FHOD3: variants seen among roughly 807,000 people sequenced by gnomAD.
The protein encoded by FHOD3 is FH1/FH2 domain-containing protein 3.
FHOD3 carries 90 observed loss-of-function variants against 173.0 expected under a neutral mutation model. The observed-to-expected ratio is 0.52, with a 90% CI of 0.44 to 0.62. The LOEUF (loss-of-function observed/expected upper bound fraction) is 0.62. Among genes scored for constraint, FHOD3 ranks in the 20% least tolerant of loss-of-function variants. The probability of loss-of-function intolerance (pLI) is 0.00; values close to 1 mark genes in which losing one functional copy is unlikely to be tolerated. For synonymous variants in FHOD3, 828 were observed against 823.0 expected (o/e 1.01, Z -0.10); for missense variants, 1,945 against 2,034.7 (o/e 0.96, Z 0.85).
At position 36,299,172 on chromosome 18, in the gene FHOD3, C is replaced by T. The variant is rs749901543; in HGVS notation, c.165+1172C>T. 5.8e-4 allele frequency among the ~76,000 whole-genome samples: 88 copies of T among 152,144 alleles called. 1 individual carries two copies. Among genetic ancestry groups the T allele is most frequent in the Admixed American group, 7.9e-4 (12 of 15,282 alleles). ...GGTAGTTTCCTCTCTATTAATGTAT[C>T]AGTGCTTTCCTCCTCTACTTAGTTA... On this transcript the variant is annotated intron_variant, in intron 1 of 28. Coordinates refer to ENST00000590592, the MANE Select transcript of FHOD3 (RefSeq NM_001281740.3).
At position 36,297,949 on chromosome 18, in the gene FHOD3, G is replaced by A. The variant is rs772849525; in HGVS notation, c.114G>A (p.Ala38=). The A allele has an allele frequency of 1.5e-5, 23 of 1,565,958 alleles. No homozygotes were observed. The South Asian group carries it at 1.8e-4, about 12-fold the overall frequency. Residue 38 remains alanine, a synonymous_variant, in exon 1 of 29, where the codon GCG becomes GCA. Coordinates refer to ENST00000590592, the MANE Select transcript of FHOD3 (RefSeq NM_001281740.3). ...PPLFTFREDL[A]LGTQLAGVHR... ...TGTTCACGTTCCGCGAGGACCTCGC[G>A]CTCGGCACCCAGCTGGCGGGGGTCC...
intron 14 of FHOD3, among the ~76,000 whole-genome samples, chr18:36,678,524 C>CAAAAAAA (rs58064190): frequency 6.3e-4 from 45 of 71,096 alleles, no homozygotes; most frequent in African/African-American, 7.8e-4. Flanking sequence ...GACCCTGTCT[C>CAAAAAAA]AAAAAAAAAA....
At chr18:36,454,454 C>T (rs930067026) in intron 3 of FHOD3, among the ~76,000 whole-genome samples, 1 of 152,152 alleles carries the variant, frequency 6.6e-6, no homozygotes, top group Admixed American at 6.5e-5. Flanking sequence ...CTAGTGTTCA[C>T]ATTATTAAGA....
chr18:36,349,424 G>A (rs1205093910), intron 1 of FHOD3, among the ~76,000 whole-genome samples: 2 of 152,174 alleles, frequency 1.3e-5, no homozygotes, highest in Non-Finnish European at 2.9e-5. Flanking sequence ...GCAGGGATGG[G>A]GGAACCAATG....
chr18:36,706,877 G>A (rs1454480361), intron 17 of FHOD3, among the ~76,000 whole-genome samples: 2 of 146,224 alleles, frequency 1.4e-5, no homozygotes, highest in African/African-American at 5.1e-5. Context: ...AAGTCCATGT[G>A]TGCAAAAACA....
intron 14 of FHOD3, among the ~76,000 whole-genome samples, chr18:36,678,224 C>G (rs558921337): frequency 4.1e-4 from 63 of 152,096 alleles, no homozygotes; most frequent in African/African-American, 1.5e-3. Flanking sequence ...TAACAGTAAA[C>G]TGTTCTTAAT....
rs181894620 is a variant in FHOD3 at position 36,714,408 on chromosome 18, C to T, written c.2534-3424C>T. 1.5e-3 allele frequency among the ~76,000 whole-genome samples: 222 copies of T among 152,078 alleles called. 1 individual carries two copies. Among genetic ancestry groups the T allele is most frequent in the African/African-American group, 5.1e-3 (210 of 41,468 alleles). ...CAAAAATTAGCTGGGCATGGTGGCT[C>T]GCGCCTGTAGTCACAGCTACTCAGG... On this transcript the variant is annotated intron_variant, in intron 18 of 28. Transcript: ENST00000590592.
At chr18:36,327,542 AAAG>A (rs768976297) in intron 1 of FHOD3, among the ~76,000 whole-genome samples, 16 of 152,342 alleles carry the variant, frequency 1.1e-4, no homozygotes, top group African/African-American at 7.2e-5. Flanking sequence ...CTTCACTGAT[AAAG>A]AAGAAGAGCA....
In FHOD3 at chr18:36,627,016, C is replaced by G. The variant is rs115390933; in HGVS notation, c.1196+1267C>G. 9.2e-3 allele frequency among the ~76,000 whole-genome samples: 1,396 copies of G among 152,312 alleles called. 30 individuals carry two copies. The highest frequency in any genetic ancestry group is 0.031 in the African/African-American group (1,305 of 41,554). ...CCTCATAACCCCAGATGCCCTCTCTCTACAGGCTTTTATGTTTCTGAGAGT... is the reference window on the plus strand; with the variant it reads ...CCTCATAACCCCAGATGCCCTCTCTGTACAGGCTTTTATGTTTCTGAGAGT... On this transcript the variant is annotated intron_variant, in intron 10 of 28. Coordinates refer to ENST00000590592, the MANE Select transcript of FHOD3 (RefSeq NM_001281740.3).
At chr18:36,742,180 AG>A (rs2041934354) in intron 21 of FHOD3, among the ~76,000 whole-genome samples, 1 of 152,104 alleles carries the variant, frequency 6.6e-6, no homozygotes, top group African/African-American at 2.4e-5. Context: ...GGGGAGATGG[AG>A]GCCATGAGGC....
In FHOD3 at chr18:36,652,704, G is replaced by C; in HGVS notation, c.1421G>C (p.Trp474Ser). 1 of 1,535,724 alleles carries C rather than the reference G, an allele frequency of 6.5e-7. No homozygotes were observed. Among genetic ancestry groups the C allele is most frequent in the Non-Finnish European group, 8.7e-7 (1 of 1,146,674 alleles). ...LLVGTAGGTT[W>S]HSGSSGSEAT... The stretch of plus-strand genomic sequence containing the variant: ...GTTGGCACTGCAGGCGGGACCACCT[G>C]GCACAGTGGGTCCTCTGGGTCTGAG... The change falls in exon 12 of 29, where the codon TGG (tryptophan) becomes TCG (serine). Residue 474 changes from tryptophan (W) to serine (S), a missense_variant. This residue lies in a region of FHOD3 where 1,099 missense variants were observed against 1,051.2 expected (regional missense o/e 1.05). Coordinates refer to ENST00000590592, the MANE Select transcript of FHOD3 (RefSeq NM_001281740.3).
At position 36,335,925 on chromosome 18, in the gene FHOD3, C is replaced by T. The variant is rs540187666; in HGVS notation, c.166-19614C>T. Among the ~76,000 whole-genome samples, 7 of 152,250 alleles carry T rather than the reference C, an allele frequency of 4.6e-5. No individual in the cohort carries two copies. The South Asian group carries it at 8.3e-4, about 18-fold the overall frequency. ...AGGGTGCATGAGGCTGTGTGAAAAC[C>T]GGGTTATACTCATGCACATGACGGC... On this transcript the variant is annotated intron_variant, in intron 1 of 28. Coordinates refer to ENST00000590592, the MANE Select transcript of FHOD3 (RefSeq NM_001281740.3).
In FHOD3 at chr18:36,681,587, G is replaced by A; in HGVS notation, c.1970+17G>A. ...CAAATTCAGGTAAGAAGGATCTTAA[G>A]ATTTTTTTTAAATAGTGAGTTAAAA... is the stretch of plus-strand genomic sequence containing the variant. On this transcript the variant is annotated intron_variant, in intron 15 of 28. Coordinates refer to ENST00000590592, the MANE Select transcript of FHOD3 (RefSeq NM_001281740.3). 1 of 1,586,512 alleles carries A rather than the reference G, an allele frequency of 6.3e-7. No individual in the cohort carries two copies. Among genetic ancestry groups the A allele is most frequent in the Non-Finnish European group, 8.5e-7 (1 of 1,171,016 alleles).
intron 2 of FHOD3, among the ~76,000 whole-genome samples, chr18:36,370,336 T>C (rs2047119237): frequency 6.6e-6 from 1 of 152,174 alleles, no homozygotes; most frequent in Non-Finnish European, 1.5e-5. Context: ...GACTTTTTTT[T>C]TTCTTCTATG....
intron 5 of FHOD3, among the ~76,000 whole-genome samples, chr18:36,560,866 T>G (rs2058059535): frequency 6.6e-6 from 1 of 151,570 alleles, no homozygotes; most frequent in African/African-American, 2.4e-5. Flanking sequence ...TTTCTTTGTT[T>G]AAGGAAATAT....
At chr18:36,681,644 A>C in intron 15 of FHOD3, 74 bp downstream of exon 15, 1 of 1,465,250 alleles carries the variant, frequency 6.8e-7, no homozygotes, top group Non-Finnish European at 9.2e-7. Context: ...AACTGTATAC[A>C]TTTAATATTG....
intron 17 of FHOD3, 120 bp downstream of exon 17, chr18:36,693,543 T>A: frequency 1.1e-6 from 1 of 924,594 alleles, no homozygotes; most frequent in Non-Finnish European, 1.6e-6. Context: ...GGGTACACTT[T>A]GTTGGGGGAG....
Position 36,760,790 on chromosome 18 carries a change from C to G in FHOD3, c.4624+8C>G, listed in dbSNP as rs199858579. ...GCAGCCGAGCAAGCCGAGGTAACTC[C>G]TGGCTGCGCGGGGCTCGTCTTGTCT... On this transcript the variant is annotated splice_region_variant and intron_variant, in intron 27 of 28. Coordinates refer to ENST00000590592, the MANE Select transcript of FHOD3 (RefSeq NM_001281740.3). 2 of 1,605,666 alleles carry G rather than the reference C, an allele frequency of 1.2e-6. No individual in the cohort carries two copies. The highest frequency in any genetic ancestry group is 4.5e-5 in the East Asian group (2 of 44,772).
At chr18:36,415,061 C>T (rs1471301729) in intron 3 of FHOD3, among the ~76,000 whole-genome samples, 1 of 152,136 alleles carries the variant, frequency 6.6e-6, no homozygotes, top group African/African-American at 2.4e-5. Flanking sequence ...TTTTTGGGCA[C>T]CTCCATTTCT....
Sources: allele counts gnomAD v4.1 joint callset (sites outside exome capture counted in the v4.1 genomes callset), GRCh38; gene constraint gnomAD v4.1.1; regional missense constraint gnomAD v4.1.1; transcripts MANE v1.5; gene names NCBI Gene and HGNC (gene_info 2026-07-23, HGNC 2026-07-21).